The following VPS13B variants were observed in gnomAD, a reference collection of about 807,000 sequenced individuals.
VPS13B encodes intermembrane lipid transfer protein VPS13B.
A neutral mutation model predicts 426.4 loss-of-function variants in VPS13B; 285 were observed. The observed-to-expected ratio is 0.67, with a 90% confidence interval of 0.61 to 0.74. The LOEUF (loss-of-function observed/expected upper bound fraction) is 0.74. Among genes scored for constraint, VPS13B ranks in the 30% least tolerant of loss-of-function variants. The probability of loss-of-function intolerance (pLI) is 0.00; values close to 1 mark genes in which losing one functional copy is unlikely to be tolerated. For missense variants in VPS13B, 4,537 were observed against 4,782.6 expected (o/e 0.95, Z 1.51); for synonymous variants, 1,676 against 1,676.4 (o/e 1.00, Z 0.01).
chr8:99,271,194 T>TAAC lies in VPS13B; in HGVS notation c.2516-3003_2516-3001dup, dbSNP rs1434518576. ...TTATTGCTGCTGCTGCTGCTACCAC[T>TAAC]AACTACTACTACTACTACTACTACT... On this transcript the variant is annotated intron_variant, in intron 17 of 61. Coordinates refer to ENST00000357162, the MANE Select transcript of VPS13B (RefSeq NM_152564.5). Among the ~76,000 whole-genome samples the TAAC allele has an allele frequency of 7.7e-4, 100 of 129,078 alleles. 2 individuals carry two copies. Among genetic ancestry groups the TAAC allele is most frequent in the African/African-American group, 9.7e-4 (34 of 35,134 alleles). The allele number at this position is 129,078 out of a possible 152,430, so 84.7% of individuals were successfully genotyped here. A position where few individuals can be genotyped will look rare whatever the true frequency, so the allele number is the denominator to read the frequency against.
At chr8:99,321,868 C>T (rs1397863376) in intron 19 of VPS13B, among the ~76,000 whole-genome samples, 1 of 152,118 alleles carries the variant, frequency 6.6e-6, no homozygotes, top group East Asian at 1.9e-4. Flanking sequence ...TCATTTCTAT[C>T]TCTTTGGAAA....
intron 19 of VPS13B, chr8:99,348,191 T>G (rs1811650935): frequency 6.6e-6 from 1 of 152,254 alleles, no homozygotes; most frequent in South Asian, 2.1e-4. Context: ...GATATACTTG[T>G]TGACTCCAGT....
In VPS13B at chr8:99,193,076, T is replaced by G; in HGVS notation, c.2515+19T>G. On this transcript the variant is annotated intron_variant, in intron 17 of 61. Coordinates refer to ENST00000357162, the MANE Select transcript of VPS13B (RefSeq NM_152564.5). ...AGTATAGGTAAGAGCACAGTCTTTTTGATAACTATATGGAAAATTTGTGTT... is the reference window on the plus strand; with the variant it reads ...AGTATAGGTAAGAGCACAGTCTTTTGGATAACTATATGGAAAATTTGTGTT... 6.2e-7 allele frequency: 1 copy of G among 1,612,614 alleles called. No homozygotes were observed. The highest frequency in any genetic ancestry group is 8.5e-7 in the Non-Finnish European group (1 of 1,179,490).
chr8:99,475,440 A>G (rs954841117), intron 24 of VPS13B, among the ~76,000 whole-genome samples: 2 of 152,202 alleles, frequency 1.3e-5, no homozygotes, highest in Admixed American at 6.5e-5. Context: ...CCTACTCCAC[A>G]TGTTCTAGTT....
intron 20 of VPS13B, among the ~76,000 whole-genome samples, chr8:99,386,663 T>C (rs1424350610): frequency 6.6e-6 from 1 of 152,302 alleles, no homozygotes; most frequent in African/African-American, 2.4e-5. Context: ...TAATTATAGG[T>C]ATATTTTTCG....
At chr8:99,409,784 T>C (rs1377655534) in intron 21 of VPS13B, among the ~76,000 whole-genome samples, 1 of 152,180 alleles carries the variant, frequency 6.6e-6, no homozygotes, top group Non-Finnish European at 1.5e-5. Flanking sequence ...TTACAATTCT[T>C]GTATCAGGAA....
intron 19 of VPS13B, among the ~76,000 whole-genome samples, chr8:99,313,969 G>T (rs1451529064): frequency 2.6e-5 from 4 of 152,148 alleles, no homozygotes; most frequent in South Asian, 2.1e-4. Flanking sequence ...CTCCAAGCCA[G>T]GCACGGGATA....
At chr8:99,771,164 A>G (rs944428899) in intron 40 of VPS13B, among the ~76,000 whole-genome samples, 3 of 151,828 alleles carry the variant, frequency 2.0e-5, no homozygotes, top group Non-Finnish European at 4.4e-5. Context: ...GCAGATCTCA[A>G]TATGTATGTC....
intron 33 of VPS13B, among the ~76,000 whole-genome samples, chr8:99,588,751 A>G (rs1018407971): frequency 4.0e-5 from 6 of 151,754 alleles, no homozygotes; most frequent in Non-Finnish European, 8.8e-5. Context: ...CAGTCATGTC[A>G]TCTGCAAACA....
chr8:99,510,450 A>G (rs1229827687), intron 28 of VPS13B, among the ~76,000 whole-genome samples: 3 of 152,234 alleles, frequency 2.0e-5, no homozygotes, highest in South Asian at 2.1e-4. Context: ...CTTAGTACTC[A>G]TAATGAAAAA....
chr8:99,552,508 C>T (rs1194046595), intron 30 of VPS13B, among the ~76,000 whole-genome samples: 6 of 151,550 alleles, frequency 4.0e-5, no homozygotes, highest in Non-Finnish European at 8.8e-5. Flanking sequence ...CAAGTCCTGG[C>T]TCATGACTGC....
chr8:99,432,035 G>A (rs778451702), intron 22 of VPS13B, among the ~76,000 whole-genome samples: 1 of 151,764 alleles, frequency 6.6e-6, no homozygotes, highest in Non-Finnish European at 1.5e-5. Flanking sequence ...ACATGAAAGG[G>A]TTATCTAATT....
At chr8:99,417,045 A>G (rs1263078145) in intron 21 of VPS13B, among the ~76,000 whole-genome samples, 3 of 152,222 alleles carry the variant, frequency 2.0e-5, no homozygotes, top group Non-Finnish European at 4.4e-5. Context: ...GTAAATGGAC[A>G]TTTAATAAGA....
At chr8:99,868,119 C>A in intron 58 of VPS13B, 170 bp from the exon 59 acceptor site, 1 of 740,562 alleles carries the variant, frequency 1.4e-6, no homozygotes, top group Non-Finnish European at 2.2e-6. Context: ...TAATAAATGT[C>A]TACTGCCCTT....
chr8:99,483,853 G>A (rs997366405), intron 25 of VPS13B, among the ~76,000 whole-genome samples: 4 of 152,120 alleles, frequency 2.6e-5, no homozygotes, highest in Non-Finnish European at 5.9e-5. Flanking sequence ...TACATCTAGA[G>A]ACTGCCGTTC....
At chr8:99,356,011 C>T (rs1314767565) in intron 19 of VPS13B, among the ~76,000 whole-genome samples, 4 of 152,086 alleles carry the variant, frequency 2.6e-5, no homozygotes, top group Non-Finnish European at 2.9e-5. Flanking sequence ...GTGCTACCCA[C>T]GTCATATCAT....
At chr8:99,795,390 T>C (rs1049939523) in intron 43 of VPS13B, among the ~76,000 whole-genome samples, 1 of 152,178 alleles carries the variant, frequency 6.6e-6, no homozygotes, top group African/African-American at 2.4e-5. Context: ...CTCTGAAGTA[T>C]GTAGACATTC....
chr8:99,780,532 G>T (rs938447109), intron 42 of VPS13B, among the ~76,000 whole-genome samples: 3 of 152,058 alleles, frequency 2.0e-5, no homozygotes, highest in African/African-American at 7.2e-5. Flanking sequence ...CTAACATAGT[G>T]CCTTGAAGGA....
intron 37 of VPS13B, 50 bp from the exon 38 acceptor site, chr8:99,720,295 A>AAGAAATGT (rs763821941): frequency 6.8e-7 from 1 of 1,461,174 alleles, no homozygotes; most frequent in Non-Finnish European, 9.5e-7. Flanking sequence ...AATTAGTCTC[A>AAGAAATGT]AGAAATGTTT....
Sources: gnomAD v4.1 joint callset for allele counts (sites outside exome capture counted in the v4.1 genomes callset) on GRCh38, gnomAD v4.1.1 for gene constraint, MANE v1.5 for transcripts, NCBI Gene and HGNC (gene_info 2026-07-23, HGNC 2026-07-21) for gene names.